Variants in BEND7 observed in about 807,000 individuals in gnomAD.
BEND7 encodes BEN domain-containing protein 7.
BEND7 carries 28 observed loss-of-function variants against 50.9 expected under a neutral mutation model. That is an observed-to-expected ratio of 0.55 (90% CI 0.41 to 0.75). BEND7 has a LOEUF of 0.75. BEND7 is among the 30% of genes least tolerant of loss of function. The pLI is 0.00. For missense variants in BEND7, 477 were observed against 491.3 expected (o/e 0.97, Z 0.28); for synonymous variants, 170 against 183.9 (o/e 0.92, Z 0.61).
intron 2 of BEND7, among the ~76,000 whole-genome samples, chr10:13,505,609 A>G (rs112226083): frequency 2.3e-4 from 35 of 152,336 alleles, no homozygotes; most frequent in African/African-American, 7.9e-4. Context: ...AAAGGCCCAC[A>G]GTCCGACCCC....
intron 2 of BEND7, among the ~76,000 whole-genome samples, chr10:13,501,096 C>T (rs991753338): frequency 5.9e-5 from 9 of 152,074 alleles, no homozygotes; most frequent in African/African-American, 9.7e-5. Context: ...TCTTTTTGGC[C>T]GGGCACAGTG....
chr10:13,468,753 GGTAA>G (rs2074507420), intron 6 of BEND7, among the ~76,000 whole-genome samples: 1 of 152,222 alleles, frequency 6.6e-6, no homozygotes, highest in African/African-American at 2.4e-5. Flanking sequence ...GATAGGGCCA[GGTAA>G]TTGAGCAGGG....
chr10:13,461,499 G>T (rs776693211), intron 6 of BEND7, among the ~76,000 whole-genome samples: 5 of 152,198 alleles, frequency 3.3e-5, no homozygotes, highest in South Asian at 2.1e-4. Flanking sequence ...TTGGGAGGCC[G>T]CGGCGGGCAG....
chr10:13,484,821 CT>C (rs1292060192), intron 5 of BEND7, among the ~76,000 whole-genome samples: 8 of 152,172 alleles, frequency 5.3e-5, no homozygotes, highest in African/African-American at 1.9e-4. Context: ...CATCTATGTC[CT>C]GCCTATTTTA....
intron 7 of BEND7, among the ~76,000 whole-genome samples, chr10:13,449,600 G>A (rs1266513590): frequency 6.6e-6 from 1 of 152,056 alleles, no homozygotes; most frequent in Non-Finnish European, 1.5e-5. Flanking sequence ...TTAAATCTTC[G>A]AGTTCTAGTT....
chr10:13,447,382 A>G, intron 7 of BEND7, 66 bp from the exon 8 acceptor site: 1 of 1,547,932 alleles, frequency 6.5e-7, no homozygotes, highest in South Asian at 1.1e-5. Flanking sequence ...TTTACAGAAA[A>G]TAGTGATGTA....
chr10:13,471,022 C>T (rs2074773382), intron 6 of BEND7, among the ~76,000 whole-genome samples: 1 of 152,188 alleles, frequency 6.6e-6, no homozygotes, highest in Non-Finnish European at 1.5e-5. Flanking sequence ...ATTTGATATA[C>T]TTCTCTTCAT....
chr10:13,490,601 T>C (rs771477285), intron 5 of BEND7, among the ~76,000 whole-genome samples: 11 of 152,256 alleles, frequency 7.2e-5, no homozygotes, highest in Admixed American at 2.0e-4. Context: ...GTCAGCCGCA[T>C]GCTGTTCTAG....
Position 13,469,665 on chromosome 10 carries a change from C to T in BEND7, c.1063+11234G>A, listed in dbSNP as rs184534671. Among the ~76,000 whole-genome samples the T allele has an allele frequency of 2.5e-3, 384 of 152,132 alleles. 1 individual carries two copies. The highest frequency in any genetic ancestry group is 3.7e-3 in the Non-Finnish European group (253 of 68,012). ...CTAATTTTTCTATTTGTAGTAGAGACGGAGTTTCACCATGTTGGCCAGGAT... is the reference window on the plus strand; with the variant it reads ...CTAATTTTTCTATTTGTAGTAGAGATGGAGTTTCACCATGTTGGCCAGGAT... On this transcript the variant is annotated intron_variant, in intron 6 of 8. Transcript: ENST00000466271.
At chr10:13,450,919 G>C (rs552040965) in intron 7 of BEND7, among the ~76,000 whole-genome samples, 1 of 152,104 alleles carries the variant, frequency 6.6e-6, no homozygotes, top group African/African-American at 2.4e-5. Flanking sequence ...AGTCTGCTTG[G>C]GGGAAAGAGA....
In BEND7 at chr10:13,520,332, C is replaced by A. The variant is rs141477475; in HGVS notation, c.145+5806G>T. Among the ~76,000 whole-genome samples, 9 of 152,204 alleles carry A rather than the reference C, an allele frequency of 5.9e-5. No homozygotes were observed. In the East Asian group the frequency reaches 1.5e-3, roughly 26 times the overall value. ...GGGCTTTCCCAGGCCATAGCTCCTG[C>A]CCACCCCATTCCTTCTCCCTGTGGT... On this transcript the variant is annotated intron_variant, in intron 2 of 8. Transcript: ENST00000466271.
At position 13,516,681 on chromosome 10, in the gene BEND7, C is replaced by T. The variant is rs192882198; in HGVS notation, c.145+9457G>A. On this transcript the variant is annotated intron_variant, in intron 2 of 8. Transcript: ENST00000466271. The stretch of plus-strand genomic sequence containing the variant: ...TGAAGGATGCAGTGAACCAAAATCG[C>T]GCCGCTGCACTCCAGCTTGGGTGAC... Among the ~76,000 whole-genome samples, 12 of 152,176 alleles carry T rather than the reference C, an allele frequency of 7.9e-5. No individual in the cohort carries two copies. In the East Asian group the frequency reaches 1.7e-3, roughly 22 times the overall value.
chr10:13,486,579 A>G (rs367688096), intron 5 of BEND7, among the ~76,000 whole-genome samples: 28 of 152,220 alleles, frequency 1.8e-4, no homozygotes, highest in African/African-American at 5.8e-4. Flanking sequence ...CAAAAGTCCT[A>G]TCTAAAAGTA....
chr10:13,441,916 T>C, intron 8 of BEND7, 166 bp from the exon 9 acceptor site: 1 of 672,356 alleles, frequency 1.5e-6, no homozygotes. Context: ...ACTTGTCTAG[T>C]AGTTAGATTG....
chr10:13,444,488 G>C (rs1835871398), intron 8 of BEND7: 1 of 152,156 alleles, frequency 6.6e-6, no homozygotes, highest in Admixed American at 6.5e-5. Flanking sequence ...CCTTAAAAAA[G>C]TAATAAAAGC....
At chr10:13,479,095 C>G (rs10906388) in intron 6 of BEND7, among the ~76,000 whole-genome samples, 1 of 150,814 alleles carries the variant, frequency 6.6e-6, no homozygotes, top group African/African-American at 2.4e-5. Context: ...CAGCCTCCGC[C>G]TCCCAGGTTC....
At chr10:13,496,965 AAAAAG>A in intron 3 of BEND7, 77 bp from the exon 4 acceptor site, 1 of 1,448,536 alleles carries the variant, frequency 6.9e-7, no homozygotes. Context: ...GGTGGAGAGA[AAAAAG>A]AAAGTATCTT....
chr10:13,471,008 C>T (rs906751135), intron 6 of BEND7, among the ~76,000 whole-genome samples: 4 of 152,202 alleles, frequency 2.6e-5, no homozygotes, highest in African/African-American at 7.2e-5. Flanking sequence ...TCCATTCTCT[C>T]GGCATTTGAT....
At chr10:13,444,412 T>A (rs1360987573) in intron 8 of BEND7, 1 of 152,222 alleles carries the variant, frequency 6.6e-6, no homozygotes, top group Non-Finnish European at 1.5e-5. Flanking sequence ...ATAGAAACAC[T>A]TAAGCATTTA....
Sources: allele counts gnomAD v4.1 joint callset (sites outside exome capture counted in the v4.1 genomes callset), GRCh38; gene constraint gnomAD v4.1.1; transcripts MANE v1.5; gene names NCBI Gene and HGNC (gene_info 2026-07-23, HGNC 2026-07-21).